VCAN: variants seen among roughly 807,000 people sequenced by gnomAD.
VCAN encodes the protein versican, also known as versican core protein.
A neutral mutation model predicts 245.5 loss-of-function variants in VCAN; 44 were observed. The ratio of observed to expected loss-of-function variants is 0.18; its 90% confidence interval spans 0.14 to 0.23. The LOEUF (loss-of-function observed/expected upper bound fraction) is 0.23. VCAN is among the 10% of genes least tolerant of loss of function. The pLI is 1.00. For synonymous variants in VCAN, 1,413 were observed against 1,437.0 expected (o/e 0.98, Z 0.38); for missense variants, 3,793 against 4,057.9 (o/e 0.93, Z 1.77).
intron 1 of VCAN, among the ~76,000 whole-genome samples, chr5:83,472,319 T>C (rs1744224097): frequency 6.6e-6 from 1 of 152,026 alleles, no homozygotes; most frequent in South Asian, 2.1e-4. Flanking sequence ...GGGAATAAAT[T>C]GTAAAGAAAT....
Position 83,521,500 on chromosome 5 carries a change from A to T in VCAN, c.3194A>T (p.Glu1065Val). 1 of 1,614,104 alleles carries T rather than the reference A, an allele frequency of 6.2e-7. No homozygotes were observed. The highest frequency in any genetic ancestry group is 8.5e-7 in the Non-Finnish European group (1 of 1,180,002). The change falls in exon 7 of 15, where the codon GAA (glutamate) becomes GTA (valine). Residue 1065 changes from glutamate to valine, a missense_variant. Glu to Val is a moderately radical substitution (Grantham distance 121). This residue lies in a region of VCAN where 3,182 missense variants were observed against 3,250.3 expected (regional missense o/e 0.98). Coordinates refer to ENST00000265077, the MANE Select transcript of VCAN (RefSeq NM_004385.5). ...AAGGAGGCAGTAACACCACTGGATG[A>T]ACAAGAGGGCGATGGATCAGCATAT... is the stretch of plus-strand genomic sequence containing the variant. ...TPKEAVTPLD[E>V]QEGDGSAYTV...
At position 83,538,476 on chromosome 5, in the gene VCAN, C is replaced by T. The variant is rs372653782; in HGVS notation, c.5473C>T (p.Pro1825Ser). The change falls in exon 8 of 15, where the codon CCA becomes TCA. Residue 1825 changes from proline to serine, a missense_variant. Physicochemically the swap from Pro to Ser is moderately conservative, Grantham distance 74. Around this residue, in one of 5 missense-constraint regions of VCAN, gnomAD observed 3,182 missense variants for 3,250.3 expected, o/e 0.98. Transcript: ENST00000265077. ...GGTTCAGGAAGGGCTGACCACTCTC[C>T]CACGTAGTCCTGCCTCTGTCTTTAT... ...PGVQEGLTTL[P>S]RSPASVFMEQ... 1.2e-6 allele frequency: 2 copies of T among 1,613,872 alleles called. No homozygotes were observed. The highest frequency in any genetic ancestry group is 1.7e-5 in the Admixed American group (1 of 59,970).
chr5:83,498,454 C>T (rs1745228626), intron 5 of VCAN, among the ~76,000 whole-genome samples: 1 of 152,120 alleles, frequency 6.6e-6, no homozygotes. Flanking sequence ...TTAATGCCTC[C>T]CTACTCACCT....
At position 83,540,423 on chromosome 5, in the gene VCAN, G is replaced by C; in HGVS notation, c.7420G>C (p.Ala2474Pro). The C allele has an allele frequency of 6.2e-7, 1 of 1,613,996 alleles. No homozygotes were observed. Among genetic ancestry groups the C allele is most frequent in the East Asian group, 2.2e-5 (1 of 44,856 alleles). The change falls in exon 8 of 15, where the codon GCT becomes CCT. Residue 2474 changes from alanine (A) to proline (P), a missense_variant. Ala to Pro is a conservative substitution (Grantham distance 27). Coordinates refer to ENST00000265077, the MANE Select transcript of VCAN (RefSeq NM_004385.5). ...SLEKHPEVPS[A>P]KAVTADGFPT... ...GGAAAAACATCCTGAGGTGCCAAGC[G>C]CTAAAGCTGTTACTGCTGATGGATT...
At chr5:83,554,417 T>A (rs186949953) in intron 11 of VCAN, among the ~76,000 whole-genome samples, 3 of 152,336 alleles carry the variant, frequency 2.0e-5, no homozygotes, top group Middle Eastern at 3.4e-3. Flanking sequence ...CTGCGTGATA[T>A]CCTTGCCAGT....
chr5:83,574,379 C>T (rs1181466005), intron 13 of VCAN, among the ~76,000 whole-genome samples: 1 of 152,132 alleles, frequency 6.6e-6, no homozygotes, highest in Admixed American at 6.6e-5. Context: ...CACCCATATG[C>T]ATGTTTTTAA....
intron 12 of VCAN, among the ~76,000 whole-genome samples, chr5:83,559,754 C>A (rs1012245472): frequency 6.6e-6 from 1 of 152,102 alleles, no homozygotes; most frequent in Non-Finnish European, 1.5e-5. Flanking sequence ...ACTTTCGTCT[C>A]TGTTTTTTCA....
rs1747929837 is a variant in VCAN, at chr5:83,563,008, C to T, written c.9735+7970C>T. Among the ~76,000 whole-genome samples the T allele has an allele frequency of 5.9e-5, 9 of 152,124 alleles. No individual in the cohort carries two copies. In the South Asian group the frequency reaches 1.9e-3, roughly 32 times the overall value. On this transcript the variant is annotated intron_variant, in intron 12 of 14. Coordinates refer to ENST00000265077, the MANE Select transcript of VCAN (RefSeq NM_004385.5). Reference sequence around the variant, plus strand: ...GTTTGCCAGCTAGGAAAATAATGGGCATATTGCCACTTTAACAACTATCAG... The same window carrying T: ...GTTTGCCAGCTAGGAAAATAATGGGTATATTGCCACTTTAACAACTATCAG...
At chr5:83,489,987 T>A (rs1386103454) in intron 2 of VCAN, 111 bp from the exon 3 acceptor site, 5 of 1,067,328 alleles carry the variant, frequency 4.7e-6, no homozygotes, top group Non-Finnish European at 6.9e-6. Context: ...TTATGTCACA[T>A]GTTGAAGATG....
intron 12 of VCAN, among the ~76,000 whole-genome samples, chr5:83,567,519 C>T (rs2112492457): frequency 6.6e-6 from 1 of 152,186 alleles, no homozygotes; most frequent in South Asian, 2.1e-4. Context: ...CCAGGCTGGT[C>T]TCGAACTCCT....
Position 83,521,763 on chromosome 5 carries a change from T to C in VCAN, c.3457T>C (p.Ser1153Pro). ...TAGTAGTACAACAGGATTTACATCA[T>C]CTTTGAGTCCTTTTAGTACCCACAT... ...EGSSTTGFTS[S>P]LSPFSTHITQ... The change falls in exon 7 of 15, where the codon TCT (serine) becomes CCT (proline). Residue 1153 changes from serine (S) to proline (P), a missense_variant. Coordinates refer to ENST00000265077, the MANE Select transcript of VCAN (RefSeq NM_004385.5). 1 of 1,614,182 alleles carries C rather than the reference T, an allele frequency of 6.2e-7. No individual in the cohort carries two copies. Among genetic ancestry groups the C allele is most frequent in the Non-Finnish European group, 8.5e-7 (1 of 1,180,014 alleles).
chr5:83,509,268 G>A (rs1037699481), intron 5 of VCAN, among the ~76,000 whole-genome samples: 17 of 152,292 alleles, frequency 1.1e-4, no homozygotes, highest in African/African-American at 3.6e-4. Context: ...TTTAACAAGA[G>A]TTTCTACATG....
chr5:83,547,677 C>T (rs1329684083), intron 9 of VCAN, among the ~76,000 whole-genome samples: 2 of 152,070 alleles, frequency 1.3e-5, no homozygotes, highest in Non-Finnish European at 2.9e-5. Context: ...GCAATGGAGA[C>T]AATGGCCCTA....
rs70975508 is a variant in VCAN, at chr5:83,581,317, C to CAAA, written c.*906_*908dup. 41 of 116,854 alleles carry CAAA rather than the reference C, an allele frequency of 3.5e-4. No homozygotes were observed. Among genetic ancestry groups the CAAA allele is most frequent in the Non-Finnish European group, 5.1e-4 (29 of 57,288 alleles). The allele number at this position is 116,854 out of a possible 1,614,324, so 7.2% of individuals were successfully genotyped here. The stretch of plus-strand genomic sequence containing the variant: ...GGGTGGGGGATTGTTAAAACACATG[C>CAAA]AAAAAAAAAAAAAAAAAAAAAAAAA... On this transcript the variant is annotated 3_prime_UTR_variant, in exon 15 of 15. Transcript: ENST00000265077.
intron 6 of VCAN, among the ~76,000 whole-genome samples, chr5:83,518,418 A>G (rs1745941076): frequency 6.6e-6 from 1 of 152,104 alleles, no homozygotes; most frequent in African/African-American, 2.4e-5. Flanking sequence ...AGGTTACTTT[A>G]TATTGCCTGA....
intron 2 of VCAN, among the ~76,000 whole-genome samples, chr5:83,486,695 G>A (rs1205144228): frequency 6.6e-6 from 1 of 152,166 alleles, no homozygotes; most frequent in Admixed American, 6.5e-5. Context: ...CTCCTTTACA[G>A]TATTTACAAC....
At chr5:83,513,545 C>G (rs1042296489) in intron 6 of VCAN, among the ~76,000 whole-genome samples, 4 of 152,158 alleles carry the variant, frequency 2.6e-5, no homozygotes, top group Admixed American at 6.5e-5. Flanking sequence ...GCTCTGATCT[C>G]CTCCCTTAGA....
At chr5:83,524,518 TCCTACCTACCTACCTGCGTACCTA>T (rs1746218135) in intron 7 of VCAN, among the ~76,000 whole-genome samples, 1 of 148,838 alleles carries the variant, frequency 6.7e-6, no homozygotes, top group African/African-American at 2.5e-5. Flanking sequence ...CTACCTACCT[TCCTACCTACCTACCTGCGTACCTA>T]CCTACCTACC....
chr5:83,475,001 A>T (rs1487454127), intron 1 of VCAN, among the ~76,000 whole-genome samples: 1 of 152,090 alleles, frequency 6.6e-6, no homozygotes, highest in African/African-American at 2.4e-5. Flanking sequence ...CCATTTGTTG[A>T]CTTTTTAAAT....
Sources: allele counts gnomAD v4.1 joint callset (sites outside exome capture counted in the v4.1 genomes callset), GRCh38; gene constraint gnomAD v4.1.1; regional missense constraint gnomAD v4.1.1; transcripts MANE v1.5; gene names NCBI Gene and HGNC (gene_info 2026-07-23, HGNC 2026-07-21).